Variants in OR1J2 observed in about 807,000 individuals in gnomAD.
OR1J2 encodes olfactory receptor family 1 subfamily J member 2, also known as olfactory receptor 1J2.
For synonymous variants in OR1J2, 142 were observed against 99.7 expected (o/e 1.42, Z -2.52); for missense variants, 304 against 246.1 (o/e 1.24, Z -1.57).
chr9:122,580,299 T>C, the OR1J2 span, among the ~76,000 whole-genome samples: 1 of 151,854 alleles, frequency 6.6e-6, no homozygotes, highest in African/African-American at 2.4e-5. Context: ...GGACTCTAAC[T>C]GTAAAGAATT....
the OR1J2 span, among the ~76,000 whole-genome samples, chr9:122,556,807 T>C: frequency 2.0e-5 from 3 of 152,210 alleles, no homozygotes; most frequent in Non-Finnish European, 4.4e-5. Flanking sequence ...GGGGTTTTGA[T>C]TGAGGCTATG....
the OR1J2 span, among the ~76,000 whole-genome samples, chr9:122,533,978 G>T: frequency 2.4e-4 from 37 of 152,346 alleles, no homozygotes; most frequent in South Asian, 2.7e-3. Context: ...GGGAGTGGCT[G>T]CCAGGTGAGT....
chr9:122,506,458 G>A (rs1291723108), upstream of OR1J2, among the ~76,000 whole-genome samples: 2 of 152,080 alleles, frequency 1.3e-5, no homozygotes, highest in Non-Finnish European at 1.5e-5. Context: ...CTCTGGGGCT[G>A]TAAACAGGAA....
chr9:122,448,537 C>G, the OR1J2 span, among the ~76,000 whole-genome samples: 5 of 152,172 alleles, frequency 3.3e-5, no homozygotes, highest in Non-Finnish European at 7.3e-5. Flanking sequence ...ATGGTTAGGT[C>G]TTTCCCATCC....
At chr9:122,530,297 C>G in the OR1J2 span, among the ~76,000 whole-genome samples, 1 of 152,204 alleles carries the variant, frequency 6.6e-6, no homozygotes, top group South Asian at 2.1e-4. Flanking sequence ...ACCAAGATCT[C>G]TGGGACTTTT....
the OR1J2 span, among the ~76,000 whole-genome samples, chr9:122,544,065 T>C: frequency 6.6e-6 from 1 of 152,200 alleles, no homozygotes; most frequent in Non-Finnish European, 1.5e-5. Flanking sequence ...TTGTGTAAGA[T>C]TAAATGGAAT....
chr9:122,542,872 A>G, the OR1J2 span, among the ~76,000 whole-genome samples: 1 of 152,188 alleles, frequency 6.6e-6, no homozygotes, highest in Non-Finnish European at 1.5e-5. Context: ...ATCTTACAGT[A>G]TGCACACTTA....
the OR1J2 span, among the ~76,000 whole-genome samples, chr9:122,460,880 A>G: frequency 2.0e-5 from 3 of 152,082 alleles, no homozygotes; most frequent in Non-Finnish European, 4.4e-5. Context: ...CAGCTATTGT[A>G]AAAGAGGTTG....
chr9:122,527,089 T>C, the OR1J2 span: 23 of 1,614,172 alleles, frequency 1.4e-5, no homozygotes, highest in East Asian at 4.0e-4. Context: ...GTTAAACCCA[T>C]GTCAACAAAA....
downstream of OR1J2, among the ~76,000 whole-genome samples, chr9:122,513,901 G>A (rs41364150): frequency 0.064 from 9,785 of 152,050 alleles, 383 homozygotes; most frequent in South Asian, 0.18. Flanking sequence ...GCCTTGATCC[G>A]ACAGCTCACA....
the OR1J2 span, among the ~76,000 whole-genome samples, chr9:122,554,800 A>ACTCT: frequency 9.6e-6 from 1 of 104,660 alleles, no homozygotes; most frequent in Admixed American, 1.0e-4. Context: ...ACTTAAAAGC[A>ACTCT]CTCTTCTGTT....
the OR1J2 span, among the ~76,000 whole-genome samples, chr9:122,558,969 C>T: frequency 4.8e-4 from 73 of 152,074 alleles, no homozygotes; most frequent in African/African-American, 1.5e-3. Flanking sequence ...GGTGATATTT[C>T]GATACCTGTA....
chr9:122,568,193 A>G, the OR1J2 span: 1 of 1,614,208 alleles, frequency 6.2e-7, no homozygotes, highest in South Asian at 1.1e-5. Flanking sequence ...GACACCCAGC[A>G]TAGGAGATGG....
chr9:122,451,335 G>T, the OR1J2 span, among the ~76,000 whole-genome samples: 2 of 151,898 alleles, frequency 1.3e-5, no homozygotes, highest in African/African-American at 4.8e-5. Context: ...ACAGGCATGC[G>T]CCACCAAGCC....
At chr9:122,474,750 G>A in the OR1J2 span, among the ~76,000 whole-genome samples, 2 of 152,130 alleles carry the variant, frequency 1.3e-5, no homozygotes, top group Admixed American at 1.3e-4. Flanking sequence ...ATATACATAT[G>A]CTTCTATGGC....
At chr9:122,565,579 C>T in the OR1J2 span, among the ~76,000 whole-genome samples, 2 of 152,164 alleles carry the variant, frequency 1.3e-5, no homozygotes, top group African/African-American at 4.8e-5. Context: ...CCCAATGGCA[C>T]CATTCCCAAG....
chr9:122,553,446 G>C, the OR1J2 span: 1 of 1,614,012 alleles, frequency 6.2e-7, no homozygotes. Flanking sequence ...TTTCACTTCT[G>C]CCTCCATCCC....
chr9:122,552,216 A>AT, the OR1J2 span, among the ~76,000 whole-genome samples: 1 of 152,154 alleles, frequency 6.6e-6, no homozygotes, highest in Non-Finnish European at 1.5e-5. Flanking sequence ...GAGGACTAAA[A>AT]TAGTTACAAA....
chr9:122,512,528 G>A (rs1315734440), downstream of OR1J2, among the ~76,000 whole-genome samples: 1 of 152,284 alleles, frequency 6.6e-6, no homozygotes, highest in Non-Finnish European at 1.5e-5. Context: ...CTGAATTCTG[G>A]TAGTAGATGG....
Sources: gnomAD v4.1 joint callset for allele counts (sites outside exome capture counted in the v4.1 genomes callset) on GRCh38, gnomAD v4.1.1 for gene constraint, MANE v1.5 for transcripts, NCBI Gene and HGNC (gene_info 2026-07-23, HGNC 2026-07-21) for gene names.